POU6F2: variants seen among roughly 807,000 people sequenced by gnomAD.
POU6F2 encodes POU domain, class 6, transcription factor 2.
Under a neutral mutation model 71.3 loss-of-function variants are expected in POU6F2, and 31 were observed. The ratio of observed to expected loss-of-function variants is 0.43; its 90% confidence interval spans 0.33 to 0.59. The LOEUF is 0.59. POU6F2 is among the 20% of genes least tolerant of loss of function. The pLI is 0.04. For missense variants in POU6F2, 783 were observed against 856.8 expected (o/e 0.91, Z 1.07); for synonymous variants, 347 against 355.7 (o/e 0.98, Z 0.27).
chr7:39,304,541 G>A (rs1785014872), intron 4 of POU6F2, among the ~76,000 whole-genome samples: 1 of 79,498 alleles, frequency 1.3e-5, no homozygotes, highest in African/African-American at 4.4e-5. Flanking sequence ...TTTAAAGACA[G>A]GAGAAAAAAA....
chr7:39,457,981 T>C (rs1488150461), intron 8 of POU6F2, among the ~76,000 whole-genome samples: 1 of 152,138 alleles, frequency 6.6e-6, no homozygotes, highest in Non-Finnish European at 1.5e-5. Context: ...TTAGGTGTTT[T>C]GTTTTTATCT....
intron 4 of POU6F2, among the ~76,000 whole-genome samples, chr7:39,296,898 G>A (rs1784856305): frequency 6.6e-6 from 1 of 152,148 alleles, no homozygotes; most frequent in African/African-American, 2.4e-5. Context: ...GAGTTTAACT[G>A]CTTCATAAAA....
intron 1 of POU6F2, among the ~76,000 whole-genome samples, chr7:39,058,316 A>T (rs1355777025): frequency 2.0e-5 from 3 of 152,152 alleles, no homozygotes; most frequent in Non-Finnish European, 2.9e-5. Flanking sequence ...AGGAACCCTG[A>T]TGGGGGTTAG....
At chr7:39,143,526 A>G (rs925198752) in intron 2 of POU6F2, among the ~76,000 whole-genome samples, 1 of 152,222 alleles carries the variant, frequency 6.6e-6, no homozygotes, top group Non-Finnish European at 1.5e-5. Context: ...TATGCAAAAG[A>G]GATAGCAATG....
intron 4 of POU6F2, among the ~76,000 whole-genome samples, chr7:39,216,558 T>C (rs1284059872): frequency 1.3e-5 from 2 of 152,076 alleles, no homozygotes; most frequent in African/African-American, 4.8e-5. Flanking sequence ...CAAGGGAATT[T>C]GGGGGCTGAT....
chr7:39,110,878 A>G (rs530470219), intron 2 of POU6F2, among the ~76,000 whole-genome samples: 93 of 152,336 alleles, frequency 6.1e-4, no homozygotes, highest in African/African-American at 2.2e-3. Context: ...GCTAAATCAG[A>G]TAGCAATCCA....
Position 39,207,638 on chromosome 7 carries a change from T to G in POU6F2, c.598+18T>G, listed in dbSNP as rs752724304. On this transcript the variant is annotated intron_variant, in intron 4 of 9. Coordinates refer to ENST00000518318, the MANE Select transcript of POU6F2 (RefSeq NM_001370959.1). ...TCTACAAGGTAATCCATAATGTCCA[T>G]GCGCCACGTAAGGCTCTACCCGTTG... is the stretch of plus-strand genomic sequence containing the variant. 91 of 1,605,370 alleles carry G rather than the reference T, an allele frequency of 5.7e-5. No individual in the cohort carries two copies. The highest frequency in any genetic ancestry group is 7.3e-5 in the Non-Finnish European group (86 of 1,174,562).
chr7:39,143,253 C>T (rs193038324), intron 2 of POU6F2, among the ~76,000 whole-genome samples: 9 of 152,276 alleles, frequency 5.9e-5, no homozygotes, highest in East Asian at 1.9e-4. Flanking sequence ...ACTGATAAAA[C>T]GAAATGATTA....
At chr7:39,052,724 G>A (rs1369877084) in intron 1 of POU6F2, among the ~76,000 whole-genome samples, 2 of 152,160 alleles carry the variant, frequency 1.3e-5, no homozygotes, top group Admixed American at 1.3e-4. Flanking sequence ...CAAAGCCTAT[G>A]TTTTGGTCAC....
At chr7:39,231,269 C>A (rs538070893) in intron 4 of POU6F2, among the ~76,000 whole-genome samples, 9 of 152,216 alleles carry the variant, frequency 5.9e-5, no homozygotes, top group African/African-American at 2.2e-4. Flanking sequence ...GTTAGCATGA[C>A]TGAAAAATTA....
intron 2 of POU6F2, among the ~76,000 whole-genome samples, chr7:39,113,168 G>A (rs1312104110): frequency 2.6e-5 from 4 of 152,122 alleles, no homozygotes; most frequent in African/African-American, 9.7e-5. Context: ...CCCACTTTAT[G>A]AGAATGTATC....
chr7:39,396,240 T>C (rs1438356154), intron 5 of POU6F2, among the ~76,000 whole-genome samples: 1 of 152,220 alleles, frequency 6.6e-6, no homozygotes, highest in Non-Finnish European at 1.5e-5. Flanking sequence ...ATCAATGTAT[T>C]GGGTTAAGTT....
At chr7:38,998,654 ATT>A (rs35912432) in intron 1 of POU6F2, among the ~76,000 whole-genome samples, 3 of 143,426 alleles carry the variant, frequency 2.1e-5, no homozygotes, top group Admixed American at 7.0e-5. Context: ...TGTTAATCAC[ATT>A]TTTTTTTTTT....
chr7:39,433,451 T>G (rs920431949), intron 7 of POU6F2, among the ~76,000 whole-genome samples, 168 bp downstream of exon 7: 18 of 152,214 alleles, frequency 1.2e-4, no homozygotes, highest in Non-Finnish European at 2.1e-4. Context: ...TTTTCATTCT[T>G]AATGAATATG....
At chr7:39,023,578 C>G (rs1789728700) in intron 1 of POU6F2, among the ~76,000 whole-genome samples, 1 of 152,050 alleles carries the variant, frequency 6.6e-6, no homozygotes, top group African/African-American at 2.4e-5. Flanking sequence ...CAAATGTCAA[C>G]AGAGTCATGG....
intron 1 of POU6F2, among the ~76,000 whole-genome samples, chr7:39,068,583 T>C (rs1053283158): frequency 2.0e-5 from 3 of 151,766 alleles, no homozygotes; most frequent in African/African-American, 7.3e-5. Context: ...AAAAAATAAA[T>C]GTAGACTGTC....
chr7:39,452,074 G>T (rs1330042776), intron 8 of POU6F2, among the ~76,000 whole-genome samples: 1 of 152,196 alleles, frequency 6.6e-6, no homozygotes, highest in East Asian at 1.9e-4. Context: ...CAGCTGGCAG[G>T]TCAAGCTGCT....
chr7:39,130,066 CA>C (rs572365688), intron 2 of POU6F2, among the ~76,000 whole-genome samples: 373 of 44,560 alleles, frequency 8.4e-3, no homozygotes, highest in African/African-American at 0.02. Context: ...GACTCCATCT[CA>C]AAAAAAAAAA....
Position 39,464,870 on chromosome 7 carries a change from GT to G in POU6F2, c.*188del. On this transcript the variant is annotated 3_prime_UTR_variant, in exon 10 of 10. Transcript: ENST00000518318. The surrounding 1 kb of genome is among the most constrained non-coding windows in gnomAD (Gnocchi z 4.1). ...CAGAATGGTTTCTACATGTCCGTTG[GT>G]TTTCCAAAAAGGAAAGAAGAAAATT... is the stretch of plus-strand genomic sequence containing the variant. 1.2e-6 allele frequency: 1 copy of G among 847,660 alleles called. No homozygotes were observed. Among genetic ancestry groups the G allele is most frequent in the South Asian group, 2.2e-5 (1 of 46,392 alleles). The allele number at this position is 847,660 out of a possible 1,614,324, so 52.5% of individuals were successfully genotyped here. A position where few individuals can be genotyped will look rare whatever the true frequency, so the allele number is the denominator to read the frequency against.
Sources: allele counts gnomAD v4.1 joint callset (sites outside exome capture counted in the v4.1 genomes callset), GRCh38; gene constraint gnomAD v4.1.1; non-coding constraint Gnocchi (gnomAD v3.1); transcripts MANE v1.5; gene names NCBI Gene and HGNC (gene_info 2026-07-23, HGNC 2026-07-21).